Variants in FOXP1 observed in about 807,000 individuals in gnomAD.
FOXP1 encodes the protein forkhead box protein P1.
FOXP1 carries 15 observed loss-of-function variants against 98.2 expected under a neutral mutation model. The ratio of observed to expected loss-of-function variants is 0.15; its 90% CI spans 0.10 to 0.24. FOXP1 has a LOEUF of 0.24. Among genes scored for constraint, FOXP1 ranks in the 10% least tolerant of loss-of-function variants. The pLI is 1.00. For missense variants in FOXP1, 633 were observed against 848.5 expected, an observed-to-expected ratio of 0.75 and a Z score of 3.15; for synonymous variants, 371 against 314.5, an observed-to-expected ratio of 1.18 and a Z score of -1.90.
At chr3:71,569,258 C>G (rs2047147956) in intron 2 of FOXP1, among the ~76,000 whole-genome samples, 1 of 152,202 alleles carries the variant, frequency 6.6e-6, no homozygotes, top group African/African-American at 2.4e-5. Flanking sequence ...AGAGTCTGAA[C>G]TACTTATGAA....
chr3:71,144,432 G>A (rs2060209053), intron 6 of FOXP1, among the ~76,000 whole-genome samples: 1 of 152,212 alleles, frequency 6.6e-6, no homozygotes, highest in Admixed American at 6.5e-5. Context: ...AAGACTGGGT[G>A]TTGTTCAGAG....
chr3:71,302,899 C>T (rs532074872), intron 4 of FOXP1: 13 of 152,298 alleles, frequency 8.5e-5, no homozygotes, highest in Admixed American at 7.2e-4. Flanking sequence ...CTCTACCTCC[C>T]CAACCACCCC....
chr3:71,113,712 C>CAAAATAAAAAAAAATAAAATAAAAT (rs1018197695), intron 6 of FOXP1, among the ~76,000 whole-genome samples: 1 of 102,378 alleles, frequency 9.8e-6, no homozygotes, highest in African/African-American at 3.8e-5. Flanking sequence ...GCTTCCATCT[C>CAAAATAAAAAAAAATAAAATAAAAT]AAAATAAAAT....
chr3:70,962,322 C>T (rs1397219176), intron 20 of FOXP1, among the ~76,000 whole-genome samples: 1 of 152,142 alleles, frequency 6.6e-6, no homozygotes, highest in Non-Finnish European at 1.5e-5. Flanking sequence ...AATCTTTCTA[C>T]TCTATTTCTG....
intron 5 of FOXP1, among the ~76,000 whole-genome samples, chr3:71,283,127 AG>A (rs1481968946): frequency 6.6e-6 from 1 of 152,206 alleles, no homozygotes; most frequent in Non-Finnish European, 1.5e-5. Flanking sequence ...AATCCCAGAA[AG>A]GGCTGAGAGA....
At chr3:71,356,702 G>A (rs2078184026) in intron 4 of FOXP1, among the ~76,000 whole-genome samples, 2 of 152,134 alleles carry the variant, frequency 1.3e-5, no homozygotes, top group South Asian at 2.1e-4. Flanking sequence ...GCCAGGAAGT[G>A]GAAAAGGTGG....
At chr3:71,004,709 G>A (rs745851695) in intron 12 of FOXP1, among the ~76,000 whole-genome samples, 1 of 152,070 alleles carries the variant, frequency 6.6e-6, no homozygotes, top group Non-Finnish European at 1.5e-5. Flanking sequence ...TGCAGCAAAA[G>A]AAACAAGGTA....
chr3:71,136,359 C>G (rs1176300489), intron 6 of FOXP1, among the ~76,000 whole-genome samples: 1 of 152,160 alleles, frequency 6.6e-6, no homozygotes, highest in Non-Finnish European at 1.5e-5. Flanking sequence ...ACAGAGAGTA[C>G]AAGGAAAACT....
rs2043274242 is a variant in FOXP1 at position 71,009,471 on chromosome 3, T to C, written c.974+6078A>G. ...TGAAAATATTTACTGTCTACCCCTT[T>C]ATGGAAAAAATTTGCCATGCCCTCC... On this transcript the variant is annotated intron_variant, in intron 12 of 20. Transcript: ENST00000649528. Among the ~76,000 whole-genome samples the C allele has an allele frequency of 2.6e-5, 4 of 152,112 alleles. No individual in the cohort carries two copies. The South Asian group carries it at 6.2e-4, about 24-fold the overall frequency.
chr3:71,370,816 T>A (rs2079253469), intron 3 of FOXP1, among the ~76,000 whole-genome samples: 1 of 149,866 alleles, frequency 6.7e-6, no homozygotes, highest in Non-Finnish European at 1.5e-5. Context: ...TTTTTTTTTT[T>A]ACTGAGAAGG....
intron 2 of FOXP1, among the ~76,000 whole-genome samples, chr3:71,506,618 C>G (rs550484840): frequency 1.8e-4 from 27 of 152,304 alleles, no homozygotes; most frequent in Admixed American, 2.0e-4. Context: ...AGATTTCCAC[C>G]TCCATTTCTA....
chr3:71,232,669 TG>T (rs1420972768), intron 5 of FOXP1, among the ~76,000 whole-genome samples: 3 of 150,972 alleles, frequency 2.0e-5, no homozygotes, highest in African/African-American at 7.3e-5. Flanking sequence ...GAGGTGGAGG[TG>T]GGAGGATCCC....
chr3:71,235,613 C>A (rs1336834430), intron 5 of FOXP1, among the ~76,000 whole-genome samples: 1 of 152,068 alleles, frequency 6.6e-6, no homozygotes, highest in African/African-American at 2.4e-5. Flanking sequence ...GTTGCCCAGG[C>A]TGGAGTGCAG....
chr3:71,038,152 T>C (rs2047858222), intron 11 of FOXP1, among the ~76,000 whole-genome samples: 1 of 152,152 alleles, frequency 6.6e-6, no homozygotes, highest in Non-Finnish European at 1.5e-5. Context: ...GTTTTCCAAA[T>C]GGCATGGAAA....
intron 2 of FOXP1, among the ~76,000 whole-genome samples, chr3:71,521,428 G>A (rs1407467976): frequency 6.6e-6 from 1 of 151,936 alleles, no homozygotes; most frequent in Admixed American, 6.6e-5. Flanking sequence ...TTGGGAGGCT[G>A]AGGCAGGAGA....
intron 14 of FOXP1, among the ~76,000 whole-genome samples, chr3:70,981,151 G>A (rs2038765564): frequency 7.9e-6 from 1 of 126,846 alleles, no homozygotes; most frequent in South Asian, 2.9e-4. Context: ...TGTGAGCCTT[G>A]TAGCTATTAC....
intron 11 of FOXP1, among the ~76,000 whole-genome samples, chr3:71,030,883 T>C (rs2046778252): frequency 6.6e-6 from 1 of 152,238 alleles, no homozygotes; most frequent in Non-Finnish European, 1.5e-5. Flanking sequence ...GTCATAAATC[T>C]GACTCATATG....
At chr3:71,482,408 G>A (rs1340434576) in intron 3 of FOXP1, among the ~76,000 whole-genome samples, 1 of 126,786 alleles carries the variant, frequency 7.9e-6, no homozygotes, top group African/African-American at 3.1e-5. Context: ...TTGCTCAGTC[G>A]CCCAGGCTGG....
intron 2 of FOXP1, among the ~76,000 whole-genome samples, chr3:71,522,544 A>C (rs577444885): frequency 9.4e-4 from 143 of 152,296 alleles, no homozygotes; most frequent in Non-Finnish European, 1.9e-3. Flanking sequence ...TTCTTAAAAG[A>C]CAGAAAAGGT....
Sources: gnomAD v4.1 joint callset for allele counts (sites outside exome capture counted in the v4.1 genomes callset) on GRCh38, gnomAD v4.1.1 for gene constraint, MANE v1.5 for transcripts, NCBI Gene and HGNC (gene_info 2026-07-23, HGNC 2026-07-21) for gene names.